Variants in ZNF704 observed in about 807,000 individuals in gnomAD.
The protein encoded by ZNF704 is zinc finger protein 704.
Under a neutral mutation model 44.7 loss-of-function variants are expected in ZNF704, and 10 were observed. The observed-to-expected ratio is 0.22, with a 90% CI of 0.14 to 0.38. ZNF704 has a LOEUF of 0.38. ZNF704 is among the 10% of genes least tolerant of loss of function. The pLI is 1.00. For missense variants in ZNF704, 390 were observed against 545.5 expected, an observed-to-expected ratio of 0.71 and a Z score of 2.84; for synonymous variants, 211 against 207.6, an observed-to-expected ratio of 1.02 and a Z score of -0.14.
chr8:80,646,474 C>CAA (rs59704641), intron 7 of ZNF704, among the ~76,000 whole-genome samples: 23 of 98,698 alleles, frequency 2.3e-4, no homozygotes, highest in African/African-American at 6.1e-4. Context: ...AGACACATCT[C>CAA]AAAAAAAAAA....
intron 2 of ZNF704, among the ~76,000 whole-genome samples, chr8:80,794,222 T>A (rs149503014): frequency 6.6e-5 from 10 of 152,276 alleles, no homozygotes; most frequent in Admixed American, 6.5e-4. Context: ...TTAATATTAT[T>A]TTGGTGAATT....
chr8:80,763,173 A>T (rs1358137881), intron 2 of ZNF704, among the ~76,000 whole-genome samples: 1 of 152,174 alleles, frequency 6.6e-6, no homozygotes, highest in Non-Finnish European at 1.5e-5. Flanking sequence ...TGGGGTCTGG[A>T]GGAAAGTGGC....
At chr8:80,733,109 C>G (rs1017155529) in intron 2 of ZNF704, among the ~76,000 whole-genome samples, 1 of 151,970 alleles carries the variant, frequency 6.6e-6, no homozygotes, top group Non-Finnish European at 1.5e-5. Flanking sequence ...GCAAATCCAC[C>G]CACCCATTAA....
chr8:80,662,258 A>G (rs1050076626), intron 6 of ZNF704, among the ~76,000 whole-genome samples: 3 of 152,200 alleles, frequency 2.0e-5, no homozygotes, highest in African/African-American at 4.8e-5. Flanking sequence ...ATATTAACTA[A>G]GGTTTGGAAT....
intron 2 of ZNF704, among the ~76,000 whole-genome samples, chr8:80,695,048 A>T (rs1422311737): frequency 6.6e-6 from 1 of 152,262 alleles, no homozygotes; most frequent in African/African-American, 2.4e-5. Context: ...ATTTTACAGT[A>T]TTCACAGTTT....
intron 2 of ZNF704, among the ~76,000 whole-genome samples, chr8:80,784,464 T>C (rs1008742828): frequency 2.6e-5 from 4 of 152,348 alleles, no homozygotes; most frequent in African/African-American, 7.2e-5. Flanking sequence ...GCCATTTTAA[T>C]AGGTATATAG....
At chr8:80,816,080 C>G (rs1808172516) in intron 2 of ZNF704, among the ~76,000 whole-genome samples, 2 of 152,214 alleles carry the variant, frequency 1.3e-5, no homozygotes. Context: ...AGCCTCACTT[C>G]TACCTCAAGG....
At chr8:80,849,919 CAAT>C (rs1352054623) in intron 1 of ZNF704, among the ~76,000 whole-genome samples, 3 of 152,162 alleles carry the variant, frequency 2.0e-5, no homozygotes, top group African/African-American at 4.8e-5. Flanking sequence ...CTGTTGCTGT[CAAT>C]AAAATATTTG....
At chr8:80,652,465 AC>A (rs1209131300) in intron 7 of ZNF704, among the ~76,000 whole-genome samples, 1 of 152,202 alleles carries the variant, frequency 6.6e-6, no homozygotes, top group African/African-American at 2.4e-5. Flanking sequence ...AATAGACGCA[AC>A]AAAAAATGAT....
At chr8:80,764,154 G>A (rs1022709554) in intron 2 of ZNF704, among the ~76,000 whole-genome samples, 11 of 152,118 alleles carry the variant, frequency 7.2e-5, no homozygotes, top group Admixed American at 5.9e-4. Context: ...TTTTTGGGTA[G>A]TGGCAGTACC....
At chr8:80,710,422 G>A (rs1338734881) in intron 2 of ZNF704, among the ~76,000 whole-genome samples, 2 of 152,140 alleles carry the variant, frequency 1.3e-5, no homozygotes, top group Non-Finnish European at 2.9e-5. Flanking sequence ...GAGGTAAAGT[G>A]AAGTAAGTGG....
intron 4 of ZNF704, among the ~76,000 whole-genome samples, chr8:80,671,173 G>A (rs1241711481): frequency 6.6e-6 from 1 of 152,022 alleles, no homozygotes; most frequent in Non-Finnish European, 1.5e-5. Flanking sequence ...TGTCACCCAG[G>A]CTGGAGTGCA....
chr8:80,686,558 T>A (rs1455976017), intron 4 of ZNF704, among the ~76,000 whole-genome samples: 1 of 151,448 alleles, frequency 6.6e-6, no homozygotes, highest in East Asian at 1.9e-4. Context: ...ATTTTTTTTT[T>A]ATTTAATTTT....
At chr8:80,806,450 C>T (rs1251314354) in intron 2 of ZNF704, among the ~76,000 whole-genome samples, 4 of 152,074 alleles carry the variant, frequency 2.6e-5, no homozygotes, top group Non-Finnish European at 5.9e-5. Flanking sequence ...CATTTCCAGC[C>T]TAGGTAGACA....
chr8:80,768,815 A>G (rs1264327251), intron 2 of ZNF704, among the ~76,000 whole-genome samples: 1 of 152,166 alleles, frequency 6.6e-6, no homozygotes, highest in Non-Finnish European at 1.5e-5. Context: ...TTTACACCAG[A>G]GAAATCAGCA....
the ZNF704 span, among the ~76,000 whole-genome samples, chr8:80,880,078 CCTT>C: frequency 3.3e-5 from 5 of 152,180 alleles, no homozygotes; most frequent in Non-Finnish European, 5.9e-5. Flanking sequence ...CTGTCTCTCT[CCTT>C]CTTTCTCTCT....
chr8:80,726,504 T>C (rs1025303141), intron 2 of ZNF704, among the ~76,000 whole-genome samples: 3 of 152,114 alleles, frequency 2.0e-5, no homozygotes, highest in Non-Finnish European at 4.4e-5. Flanking sequence ...AAGTTAAAAA[T>C]AACATCCTTT....
At chr8:80,670,469 G>A in intron 5 of ZNF704, 34 bp downstream of exon 5, 6 of 1,515,384 alleles carry the variant, frequency 4.0e-6, no homozygotes, top group Non-Finnish European at 4.6e-6. Flanking sequence ...CTGAGCAGAT[G>A]GGGGCTGCAT....
intron 2 of ZNF704, among the ~76,000 whole-genome samples, chr8:80,802,096 A>G (rs1807911098): frequency 6.6e-6 from 1 of 151,848 alleles, no homozygotes; most frequent in African/African-American, 2.4e-5. Flanking sequence ...AAATTCCTGG[A>G]CATATACACC....
Sources: gnomAD v4.1 joint callset for allele counts (sites outside exome capture counted in the v4.1 genomes callset) on GRCh38, gnomAD v4.1.1 for gene constraint, MANE v1.5 for transcripts, NCBI Gene and HGNC (gene_info 2026-07-23, HGNC 2026-07-21) for gene names.